The following SDC2 variants were observed in gnomAD, a reference collection of about 807,000 sequenced individuals.
SDC2 encodes the protein syndecan 2.
Under a neutral mutation model 22.2 loss-of-function variants are expected in SDC2, and 13 were observed. The ratio of observed to expected loss-of-function variants is 0.59; its 90% CI spans 0.38 to 0.93. The LOEUF is 0.93. SDC2 is among the 40% of genes least tolerant of loss of function. The pLI, the probability that SDC2 is intolerant of heterozygous loss-of-function variation, is 0.00. For synonymous variants in SDC2, 94 were observed against 92.8 expected, an observed-to-expected ratio of 1.01 and a Z score of -0.07; for missense variants, 235 against 246.8, an observed-to-expected ratio of 0.95 and a Z score of 0.32.
chr8:96,542,935 G>A (rs1813875523), intron 1 of SDC2, among the ~76,000 whole-genome samples: 1 of 152,142 alleles, frequency 6.6e-6, no homozygotes, highest in Non-Finnish European at 1.5e-5. Flanking sequence ...TTGTTACAAG[G>A]GGGAACATAT....
At chr8:96,567,521 GT>G (rs1470844086) in intron 1 of SDC2, among the ~76,000 whole-genome samples, 2 of 152,154 alleles carry the variant, frequency 1.3e-5, no homozygotes, top group African/African-American at 4.8e-5. Flanking sequence ...CCCACTCTGA[GT>G]CTCCAGTGTC....
In SDC2 at chr8:96,540,580, C is replaced by T. The variant is rs564682331; in HGVS notation, c.60+46249C>T. On this transcript the variant is annotated intron_variant, in intron 1 of 4. Transcript: ENST00000302190. ...TGCTCACCCGCCCATCTTTAGGAAG[C>T]CAGTCTTAGAAAGACAGTGGCTGGC... Among the ~76,000 whole-genome samples the T allele has an allele frequency of 3.2e-4, 49 of 151,870 alleles. 1 individual carries two copies. The highest frequency in any genetic ancestry group is 5.8e-4 in the East Asian group (3 of 5,164).
chr8:96,587,866 A>G (rs540099206), intron 1 of SDC2, among the ~76,000 whole-genome samples: 1 of 152,242 alleles, frequency 6.6e-6, no homozygotes, highest in South Asian at 2.1e-4. Flanking sequence ...GGGAGGGACG[A>G]GGTAGGCAGC....
intron 1 of SDC2, among the ~76,000 whole-genome samples, chr8:96,563,745 T>C (rs951359394): frequency 3.9e-5 from 6 of 152,364 alleles, no homozygotes; most frequent in African/African-American, 1.4e-4. Flanking sequence ...GTTATTCAGA[T>C]CTGTGCATTG....
intron 1 of SDC2, among the ~76,000 whole-genome samples, chr8:96,517,763 GTGTGTGCA>G (rs71569174): frequency 3.3e-5 from 3 of 91,608 alleles, no homozygotes; most frequent in Non-Finnish European, 4.4e-5. Context: ...ACACGTTTGT[GTGTGTGCA>G]TGTGTGTGTG....
chr8:96,504,939 AG>A (rs1284901879), intron 1 of SDC2, among the ~76,000 whole-genome samples: 1 of 151,862 alleles, frequency 6.6e-6, no homozygotes, highest in Non-Finnish European at 1.5e-5. Flanking sequence ...TTACAGTTAA[AG>A]GGGGGCTGTT....
intron 1 of SDC2, among the ~76,000 whole-genome samples, chr8:96,545,656 C>A (rs1471619963): frequency 6.6e-6 from 1 of 152,172 alleles, no homozygotes; most frequent in Non-Finnish European, 1.5e-5. Flanking sequence ...ACTGTGGGTA[C>A]ATTAGAAGTG....
chr8:96,510,907 A>G (rs1160903043), intron 1 of SDC2, among the ~76,000 whole-genome samples: 2 of 152,140 alleles, frequency 1.3e-5, no homozygotes, highest in East Asian at 3.9e-4. Context: ...AATGTTCCAG[A>G]GCATTCATGT....
chr8:96,605,742 C>T (rs928419251), intron 3 of SDC2, among the ~76,000 whole-genome samples: 6 of 152,194 alleles, frequency 3.9e-5, no homozygotes, highest in Non-Finnish European at 5.9e-5. Context: ...ATACCACCTT[C>T]AGTAGAAGTG....
At chr8:96,505,046 C>T (rs1408536998) in intron 1 of SDC2, among the ~76,000 whole-genome samples, 2 of 152,098 alleles carry the variant, frequency 1.3e-5, no homozygotes, top group Non-Finnish European at 2.9e-5. Context: ...ATAATGTCAT[C>T]AGTTAAAGCA....
Position 96,519,790 on chromosome 8 carries a change from C to T in SDC2, c.60+25459C>T, listed in dbSNP as rs373448668. 3.3e-5 allele frequency among the ~76,000 whole-genome samples: 5 copies of T among 152,142 alleles called. No individual in the cohort carries two copies. In the South Asian group the frequency reaches 8.3e-4, roughly 25 times the overall value. On this transcript the variant is annotated intron_variant, in intron 1 of 4. Transcript: ENST00000302190. ...CTGGGATTACAGGCGCGCACCTCCA[C>T]GCATGGCTCGGTTTTTATATTTCAG...
chr8:96,607,536 A>C (rs1055965385), intron 3 of SDC2, among the ~76,000 whole-genome samples: 2 of 152,224 alleles, frequency 1.3e-5, no homozygotes, highest in African/African-American at 4.8e-5. Context: ...ATTAATTACT[A>C]CTTAGACTTG....
intron 3 of SDC2, among the ~76,000 whole-genome samples, chr8:96,607,044 G>A (rs1253941336): frequency 2.0e-5 from 3 of 152,186 alleles, no homozygotes; most frequent in Non-Finnish European, 4.4e-5. Flanking sequence ...ATCTAGGAGC[G>A]CAAACGCGAT....
rs540655378 is a variant in SDC2, at chr8:96,591,577, C to T, written c.61-1903C>T. Among the ~76,000 whole-genome samples the T allele has an allele frequency of 2.0e-5, 3 of 152,188 alleles. No homozygotes were observed. In the South Asian group the frequency reaches 6.2e-4, roughly 32 times the overall value. ...AGGGGCAAGAAAAATGCACATGAAA[C>T]AATGAAAAGTAACAGTGAGGGTTTA... On this transcript the variant is annotated intron_variant, in intron 1 of 4. Coordinates refer to ENST00000302190, the MANE Select transcript of SDC2 (RefSeq NM_002998.4).
chr8:96,566,893 G>T (rs1464959968), intron 1 of SDC2, among the ~76,000 whole-genome samples: 1 of 152,066 alleles, frequency 6.6e-6, no homozygotes. Context: ...ACACTCTGTT[G>T]CCCAGGCTGG....
At chr8:96,500,381 G>T (rs766236441) in intron 1 of SDC2, among the ~76,000 whole-genome samples, 12 of 152,070 alleles carry the variant, frequency 7.9e-5, no homozygotes, top group Non-Finnish European at 1.6e-4. Flanking sequence ...TGGAAATGTG[G>T]CCTGGCGCGA....
chr8:96,552,212 G>T (rs1814039517), intron 1 of SDC2, among the ~76,000 whole-genome samples: 1 of 152,194 alleles, frequency 6.6e-6, no homozygotes, highest in Non-Finnish European at 1.5e-5. Context: ...ATGAAATACA[G>T]ATTTTAGTAT....
intron 1 of SDC2, among the ~76,000 whole-genome samples, chr8:96,556,016 G>C (rs1814103921): frequency 6.6e-6 from 1 of 150,606 alleles, no homozygotes; most frequent in African/African-American, 2.5e-5. Flanking sequence ...AGTTCGTTTG[G>C]AATGAATTAT....
Position 96,505,373 on chromosome 8 carries a change from G to A in SDC2, c.60+11042G>A, listed in dbSNP as rs558498147. On this transcript the variant is annotated intron_variant, in intron 1 of 4. Transcript: ENST00000302190. The stretch of plus-strand genomic sequence containing the variant: ...GGCTGGAGTGCAGTGGTGCGATCTC[G>A]GCTCACTGCAGCCTCTGCCTCCCAG... Among the ~76,000 whole-genome samples, 291 of 151,956 alleles carry A rather than the reference G, an allele frequency of 1.9e-3. 3 individuals are homozygous for A. Among genetic ancestry groups the A allele is most frequent in the Non-Finnish European group, 5.0e-4 (34 of 67,960 alleles).
Sources: gnomAD v4.1 joint callset for allele counts (sites outside exome capture counted in the v4.1 genomes callset) on GRCh38, gnomAD v4.1.1 for gene constraint, MANE v1.5 for transcripts, NCBI Gene and HGNC (gene_info 2026-07-23, HGNC 2026-07-21) for gene names.